NRXN3: variants seen among roughly 807,000 people sequenced by gnomAD.
NRXN3 encodes neurexin 3.
Under a neutral mutation model 137.6 loss-of-function variants are expected in NRXN3, and 32 were observed. The observed-to-expected ratio is 0.23, with a 90% confidence interval of 0.18 to 0.31. The LOEUF (loss-of-function observed/expected upper bound fraction) is 0.31, where lower values mean the gene tolerates loss of function less well. NRXN3 is among the 10% of genes least tolerant of loss of function. The probability of loss-of-function intolerance (pLI) is 1.00; values close to 1 mark genes in which losing one functional copy is unlikely to be tolerated. For synonymous variants in NRXN3, 798 were observed against 784.5 expected, an observed-to-expected ratio of 1.02 and a Z score of -0.29; for missense variants, 1,574 against 2,062.5, an observed-to-expected ratio of 0.76 and a Z score of 4.59.
intron 16 of NRXN3, among the ~76,000 whole-genome samples, chr14:79,623,618 T>C (rs1009103566): frequency 6.6e-6 from 1 of 152,240 alleles, no homozygotes; most frequent in East Asian, 1.9e-4. Context: ...CAACTTTACA[T>C]ATTTTCCAGG....
rs1455672317 is a variant in NRXN3 at position 78,243,213 on chromosome 14, C to T, written c.120C>T (p.Tyr40=). The part of the protein sequence containing the change: ...FMGLPNQWAR[Y]LRWDASTRSD... ...GCCTCCCCAACCAGTGGGCCCGCTA[C>T]CTCCGCTGGGATGCCAGCACACGCA... Residue 40 remains tyrosine, a synonymous_variant, in exon 2 of 21, where the codon TAC becomes TAT. Coordinates refer to ENST00000335750, the MANE Select transcript of NRXN3 (RefSeq NM_001330195.2). This position sits in a 1 kb window ranked among gnomAD's most constrained non-coding sequence, Gnocchi z 4.2. The T allele has an allele frequency of 5.2e-6, 8 of 1,547,696 alleles. No homozygotes were observed. Among genetic ancestry groups the T allele is most frequent in the Non-Finnish European group, 6.9e-6 (8 of 1,153,822 alleles).
chr14:78,883,064 C>T (rs1416234826), intron 10 of NRXN3, among the ~76,000 whole-genome samples: 1 of 152,104 alleles, frequency 6.6e-6, no homozygotes, highest in African/African-American at 2.4e-5. Context: ...TGAAGAAGGA[C>T]ATGTTTGCTT....
At chr14:79,617,689 C>T (rs2098172327) in intron 16 of NRXN3, among the ~76,000 whole-genome samples, 1 of 151,854 alleles carries the variant, frequency 6.6e-6, no homozygotes, top group South Asian at 2.1e-4. Flanking sequence ...GTGACTAAAA[C>T]CAGTTGAGTT....
intron 15 of NRXN3, among the ~76,000 whole-genome samples, chr14:79,120,456 C>A (rs2055210797): frequency 1.3e-5 from 2 of 151,792 alleles, no homozygotes; most frequent in Admixed American, 1.3e-4. Flanking sequence ...AAGCTCATTG[C>A]CACTATGTAA....
intron 19 of NRXN3, among the ~76,000 whole-genome samples, chr14:79,711,911 A>C (rs1261635308): frequency 6.6e-6 from 1 of 152,168 alleles, no homozygotes; most frequent in African/African-American, 2.4e-5. Flanking sequence ...ATAACTGGGA[A>C]GGGCCTTTTA....
At chr14:78,390,666 G>T (rs1006902766) in intron 4 of NRXN3, among the ~76,000 whole-genome samples, 4 of 152,096 alleles carry the variant, frequency 2.6e-5, no homozygotes, top group African/African-American at 9.7e-5. Flanking sequence ...ACGATCCTAA[G>T]CATTTTTGTA....
chr14:78,685,156 G>C (rs2098114507), intron 6 of NRXN3, among the ~76,000 whole-genome samples: 1 of 152,210 alleles, frequency 6.6e-6, no homozygotes, highest in Admixed American at 6.5e-5. Context: ...AGTAAAGGCT[G>C]TATGTGACAT....
At chr14:79,464,138 C>A (rs1490375265) in intron 15 of NRXN3, among the ~76,000 whole-genome samples, 1 of 152,020 alleles carries the variant, frequency 6.6e-6, no homozygotes, top group Non-Finnish European at 1.5e-5. Flanking sequence ...CTCTAATGTC[C>A]CACAGTATTG....
intron 15 of NRXN3, among the ~76,000 whole-genome samples, chr14:79,462,574 TA>T (rs1354301476): frequency 6.6e-6 from 1 of 150,496 alleles, no homozygotes; most frequent in Non-Finnish European, 1.5e-5. Flanking sequence ...CTCATTCTCT[TA>T]AAGAAACGAT....
At chr14:78,989,367 T>A (rs2099513899) in intron 15 of NRXN3, among the ~76,000 whole-genome samples, 1 of 152,188 alleles carries the variant, frequency 6.6e-6, no homozygotes, top group Admixed American at 6.5e-5. Flanking sequence ...CCGTTTTTTC[T>A]CAGTAGTTTT....
At chr14:79,844,579 T>C (rs1181896650) in intron 20 of NRXN3, among the ~76,000 whole-genome samples, 1 of 152,076 alleles carries the variant, frequency 6.6e-6, no homozygotes, top group Non-Finnish European at 1.5e-5. Context: ...CCAGGTGCAC[T>C]GTCAATGAAC....
chr14:78,847,972 A>G (rs1005180618), intron 10 of NRXN3, among the ~76,000 whole-genome samples: 1 of 152,098 alleles, frequency 6.6e-6, no homozygotes, highest in East Asian at 1.9e-4. Context: ...TTCTCAAGAT[A>G]TTTGGGGCAT....
rs565993333 is a variant in NRXN3 at position 78,379,190 on chromosome 14, G to A, written c.757+81330G>A. The stretch of plus-strand genomic sequence containing the variant: ...ATTGTACTGAGAATTCTACCAAACA[G>A]CAGAGTTGACACTAATTGCATATAA... On this transcript the variant is annotated intron_variant, in intron 4 of 20. Coordinates refer to ENST00000335750, the MANE Select transcript of NRXN3 (RefSeq NM_001330195.2). 3.9e-5 allele frequency among the ~76,000 whole-genome samples: 6 copies of A among 152,214 alleles called. No individual in the cohort carries two copies. In the South Asian group the frequency reaches 1.0e-3, roughly 26 times the overall value.
chr14:78,703,555 G>T (rs1308117315), intron 6 of NRXN3: 1 of 152,174 alleles, frequency 6.6e-6, no homozygotes, highest in Non-Finnish European at 1.5e-5. Flanking sequence ...AATTTGGAAG[G>T]GAGATAAGTA....
chr14:79,162,494 A>T (rs999345815), intron 15 of NRXN3, among the ~76,000 whole-genome samples: 1 of 151,958 alleles, frequency 6.6e-6, no homozygotes, highest in Non-Finnish European at 1.5e-5. Context: ...ATGGCTGCAT[A>T]GTATTCCATG....
At chr14:79,737,703 C>T (rs2098946843) in intron 19 of NRXN3, among the ~76,000 whole-genome samples, 1 of 150,444 alleles carries the variant, frequency 6.6e-6, no homozygotes, top group African/African-American at 2.4e-5. Context: ...TATGTCACAT[C>T]ATGGTGTGGC....
At chr14:78,673,234 G>C (rs1389161962) in intron 6 of NRXN3, among the ~76,000 whole-genome samples, 1 of 152,190 alleles carries the variant, frequency 6.6e-6, no homozygotes, top group African/African-American at 2.4e-5. Flanking sequence ...CCATGAGTTG[G>C]GGGAATGAAT....
intron 15 of NRXN3, among the ~76,000 whole-genome samples, chr14:79,070,585 C>T (rs2152708521): frequency 6.6e-6 from 1 of 152,320 alleles, no homozygotes; most frequent in Non-Finnish European, 1.5e-5. Flanking sequence ...TTGACTATTG[C>T]TATCCCTTTT....
intron 15 of NRXN3, among the ~76,000 whole-genome samples, chr14:79,453,293 G>A (rs1377164626): frequency 6.6e-6 from 1 of 152,056 alleles, no homozygotes; most frequent in East Asian, 1.9e-4. Flanking sequence ...ACGACAGAAC[G>A]AGACTCTGTC....
Sources: gnomAD v4.1 joint callset for allele counts (sites outside exome capture counted in the v4.1 genomes callset) on GRCh38, gnomAD v4.1.1 for gene constraint, Gnocchi (gnomAD v3.1) non-coding constraint, MANE v1.5 for transcripts, NCBI Gene and HGNC (gene_info 2026-07-23, HGNC 2026-07-21) for gene names.